MSH4: variants seen among roughly 807,000 people sequenced by gnomAD.
MSH4 encodes the protein mutS homolog 4.
A neutral mutation model predicts 113.7 loss-of-function variants in MSH4; 106 were observed. The ratio of observed to expected loss-of-function variants is 0.93; its 90% CI spans 0.80 to 1.10. The LOEUF (loss-of-function observed/expected upper bound fraction) is 1.10. Ranked by LOEUF, MSH4 falls within the 50% of genes least tolerant of loss-of-function variation. The pLI is 0.00. For missense variants in MSH4, 1,061 were observed against 1,093.7 expected, an observed-to-expected ratio of 0.97 and a Z score of 0.42; for synonymous variants, 368 against 380.2, an observed-to-expected ratio of 0.97 and a Z score of 0.37.
chr1:75,855,988 C>G (rs1651307049), intron 8 of MSH4, among the ~76,000 whole-genome samples: 1 of 152,154 alleles, frequency 6.6e-6, no homozygotes, highest in African/African-American at 2.4e-5. Flanking sequence ...CAGTTTCATA[C>G]AGTGTCACTA....
chr1:75,893,101 A>T (rs1301776552), intron 17 of MSH4, among the ~76,000 whole-genome samples: 1 of 152,222 alleles, frequency 6.6e-6, no homozygotes, highest in Non-Finnish European at 1.5e-5. Flanking sequence ...TTCCAAAAGC[A>T]GGACTTAATT....
intron 19 of MSH4, 26 bp from the exon 20 acceptor site, chr1:75,912,670 A>G (rs750374621): frequency 1.6e-6 from 2 of 1,243,974 alleles, no homozygotes; most frequent in African/African-American, 2.1e-5. Context: ...GTATATATAT[A>G]TATATTTTTT....
chr1:75,869,940 C>T, intron 9 of MSH4, among the ~76,000 whole-genome samples: 1 of 152,224 alleles, frequency 6.6e-6, no homozygotes, highest in Admixed American at 6.5e-5. Context: ...GATCCACCGA[C>T]AGATTGCACC....
At chr1:75,868,161 G>A (rs2029681) in intron 9 of MSH4, among the ~76,000 whole-genome samples, 114,491 of 152,004 alleles carry the variant, frequency 0.75, 43,261 homozygotes, top group East Asian at 0.98. Context: ...AAATTCATCT[G>A]TGCATATTTG....
chr1:75,875,995 A>G (rs1234874177), intron 9 of MSH4, among the ~76,000 whole-genome samples: 1 of 152,186 alleles, frequency 6.6e-6, no homozygotes, highest in African/African-American at 2.4e-5. Flanking sequence ...AAAATTATTT[A>G]AAGTGTTGTA....
At chr1:75,849,836 G>A (rs1428175534) in intron 8 of MSH4, among the ~76,000 whole-genome samples, 2 of 152,070 alleles carry the variant, frequency 1.3e-5, no homozygotes, top group Non-Finnish European at 2.9e-5. Context: ...TGGTAGGAAG[G>A]TTTTTAACTA....
intron 17 of MSH4, among the ~76,000 whole-genome samples, chr1:75,894,327 C>T (rs1652324632): frequency 6.6e-6 from 1 of 152,144 alleles, no homozygotes; most frequent in Non-Finnish European, 1.5e-5. Flanking sequence ...AGACCTATGG[C>T]TTTGGATAGG....
Position 75,803,803 on chromosome 1 carries a change from C to T in MSH4, c.317C>T (p.Ser106Leu). ...VASNFTFGASSSSARDTNYPQ... is the reference protein window; with the variant it reads ...VASNFTFGASLSSARDTNYPQ... ...TCAAATTTTACTTTTGGTGCAAGCT[C>T]ATCTTCTGCACGAGATACTAATTAT... is the stretch of plus-strand genomic sequence containing the variant. Residue 106 changes from serine to leucine, a missense_variant, in exon 2 of 20, where the codon TCA becomes TTA. Transcript: ENST00000263187. 2 of 1,607,894 alleles carry T rather than the reference C, an allele frequency of 1.2e-6. No individual in the cohort carries two copies. The highest frequency in any genetic ancestry group is 1.7e-6 in the Non-Finnish European group (2 of 1,177,774).
intron 8 of MSH4, among the ~76,000 whole-genome samples, chr1:75,855,791 A>C (rs1651303210): frequency 6.6e-6 from 1 of 152,208 alleles, no homozygotes; most frequent in South Asian, 2.1e-4. Flanking sequence ...ATAAGATCAC[A>C]TTTTGAGGTA....
intron 9 of MSH4, among the ~76,000 whole-genome samples, chr1:75,875,250 A>G (rs1246441850): frequency 1.3e-5 from 2 of 152,184 alleles, no homozygotes; most frequent in African/African-American, 4.8e-5. Flanking sequence ...TCAATGGATG[A>G]TGAAATAGAC....
chr1:75,881,153 A>T, intron 13 of MSH4, 93 bp from the exon 14 acceptor site: 1 of 948,282 alleles, frequency 1.1e-6, no homozygotes. Flanking sequence ...ATATTATTTT[A>T]CTTCAGGCAA....
At chr1:75,836,252 C>G (rs567053869) in intron 7 of MSH4, among the ~76,000 whole-genome samples, 10 of 151,750 alleles carry the variant, frequency 6.6e-5, no homozygotes, top group African/African-American at 2.2e-4. Flanking sequence ...TCTCACTGCT[C>G]TACTGGTTTC....
chr1:75,903,194 T>C lies in MSH4; in HGVS notation c.2619+3488T>C, dbSNP rs182385034. Among the ~76,000 whole-genome samples, 339 of 152,190 alleles carry C rather than the reference T, an allele frequency of 2.2e-3. 6 individuals carry two copies. The highest frequency in any genetic ancestry group is 4.2e-3 in the Non-Finnish European group (283 of 67,962). Reference sequence around the variant, plus strand: ...TAGTTTCAGGTCTTACATTTAAGTCTTTAATTCATTTTGATTAGATTTTTA... The same window carrying C: ...TAGTTTCAGGTCTTACATTTAAGTCCTTAATTCATTTTGATTAGATTTTTA... On this transcript the variant is annotated intron_variant, in intron 19 of 19. Transcript: ENST00000263187.
rs760951616 is a variant in MSH4 at position 75,797,174 on chromosome 1, G to GAGC, written c.205_207dup (p.Ser69dup). On this transcript the variant is annotated inframe_insertion, in exon 1 of 20. Transcript: ENST00000263187. ...GCACGTCAGGAGCTGCGGGCGACCG[G>GAGC]AGCAGCAGCAGCAGCAGCCTTCCCT... The GAGC allele has an allele frequency of 3.4e-5, 55 of 1,610,686 alleles. No individual in the cohort carries two copies. Among genetic ancestry groups the GAGC allele is most frequent in the South Asian group, 9.9e-5 (9 of 90,702 alleles).
chr1:75,859,250 G>A (rs926042441), intron 8 of MSH4, among the ~76,000 whole-genome samples: 2 of 151,982 alleles, frequency 1.3e-5, no homozygotes, highest in Non-Finnish European at 2.9e-5. Flanking sequence ...GGTTTTTTGT[G>A]TCTCTATTTC....
intron 17 of MSH4, among the ~76,000 whole-genome samples, chr1:75,897,271 A>T (rs1423105508): frequency 6.6e-6 from 1 of 152,188 alleles, no homozygotes; most frequent in African/African-American, 2.4e-5. Flanking sequence ...ACAATTTTTC[A>T]GGGGATATGT....
At chr1:75,908,565 C>G (rs553202291) in intron 19 of MSH4, among the ~76,000 whole-genome samples, 1 of 152,170 alleles carries the variant, frequency 6.6e-6, no homozygotes, top group Admixed American at 6.5e-5. Context: ...TTAGAGCTCA[C>G]GTATCACCAT....
chr1:75,809,047 C>T (rs1349693641), intron 3 of MSH4, among the ~76,000 whole-genome samples: 2 of 152,212 alleles, frequency 1.3e-5, no homozygotes, highest in Non-Finnish European at 2.9e-5. Context: ...CACAGGCATG[C>T]ACCACCACAT....
chr1:75,872,666 G>A (rs74089618), intron 9 of MSH4, among the ~76,000 whole-genome samples: 12,788 of 152,152 alleles, frequency 0.084, 794 homozygotes, highest in African/African-American at 0.17. Flanking sequence ...GCCACTTAAT[G>A]GTATACTGAT....
Sources: allele counts gnomAD v4.1 joint callset (sites outside exome capture counted in the v4.1 genomes callset), GRCh38; gene constraint gnomAD v4.1.1; transcripts MANE v1.5; gene names NCBI Gene and HGNC (gene_info 2026-07-23, HGNC 2026-07-21).